AMOTL2: variants seen among roughly 807,000 people sequenced by gnomAD.
AMOTL2 encodes angiomotin-like protein 2.
A neutral mutation model predicts 78.4 loss-of-function variants in AMOTL2; 33 were observed. The observed-to-expected ratio is 0.42, with a 90% CI of 0.32 to 0.56. The LOEUF is 0.56. Ranked by LOEUF, AMOTL2 falls within the 20% of genes least tolerant of loss-of-function variation. The pLI is 0.12. For missense variants in AMOTL2, 983 were observed against 1,030.1 expected (o/e 0.95, Z 0.63); for synonymous variants, 422 against 428.8 (o/e 0.98, Z 0.20).
rs2017362200 is a variant in AMOTL2, at chr3:134,361,521, A to G, written c.1566T>C (p.Arg522=). 1 of 1,609,622 alleles carries G rather than the reference A, an allele frequency of 6.2e-7. No individual in the cohort carries two copies. The highest frequency in any genetic ancestry group is 8.5e-7 in the Non-Finnish European group (1 of 1,177,824). Reference sequence around the variant, plus strand: ...GACTTTCTCAGCTCACCTGCTGTGCACGCAGGGCCTTGAGTTCCTGCTCCA... The same window carrying G: ...GACTTTCTCAGCTCACCTGCTGTGCGCGCAGGGCCTTGAGTTCCTGCTCCA... ...TRLEQELKAL[R]AQQRQAGAPG... Residue 522 remains arginine (R), a synonymous_variant, in exon 6 of 10, where the codon CGT becomes CGC. Transcript: ENST00000249883.
At chr3:134,370,051 T>G (rs2017782522) in intron 2 of AMOTL2, among the ~76,000 whole-genome samples, 1 of 152,112 alleles carries the variant, frequency 6.6e-6, no homozygotes, top group Admixed American at 6.5e-5. Flanking sequence ...AATCAAACTC[T>G]AAGTCCCTAC....
chr3:134,365,854 G>C lies in AMOTL2; in HGVS notation c.1242C>G (p.Ala414=). ...GCTTGGCCACCATGTCCTGACTGCC[G>C]GCCTGGGCCTCCTGTGTCTTGCTTG... is the stretch of plus-strand genomic sequence containing the variant. ...RLASKTQEAQ[A]GSQDMVAKLL... Residue 414 remains alanine, a synonymous_variant, in exon 5 of 10, where the codon GCC becomes GCG. Coordinates refer to ENST00000249883, the MANE Select transcript of AMOTL2 (RefSeq NM_016201.4). 6.2e-7 allele frequency: 1 copy of C among 1,614,134 alleles called. No homozygotes were observed. The highest frequency in any genetic ancestry group is 8.5e-7 in the Non-Finnish European group (1 of 1,180,020).
chr3:134,368,608 T>A (rs1404876723), intron 2 of AMOTL2, among the ~76,000 whole-genome samples: 2 of 152,198 alleles, frequency 1.3e-5, no homozygotes, highest in Admixed American at 1.3e-4. Context: ...TGACGCTATG[T>A]AAGGCCTGGC....
Position 134,367,650 on chromosome 3 carries a change from T to A in AMOTL2, c.888A>T (p.Pro296=). 6.2e-7 allele frequency: 1 copy of A among 1,613,358 alleles called. No individual in the cohort carries two copies. Among genetic ancestry groups the A allele is most frequent in the Non-Finnish European group, 8.5e-7 (1 of 1,180,012 alleles). ...SSLSPPAVEG[P]VSAQASSATS... is the part of the protein sequence containing the mutation. ...TGGCTGAGGAGGCCTGGGCACTCACTGGCCCCTCCACAGCAGGTGGACTGA... is the reference window on the plus strand; with the variant it reads ...TGGCTGAGGAGGCCTGGGCACTCACAGGCCCCTCCACAGCAGGTGGACTGA... Residue 296 remains proline (P), a synonymous_variant, in exon 3 of 10, where the codon CCA becomes CCT. Transcript: ENST00000249883.
chr3:134,358,143 C>G (rs1191561063), intron 9 of AMOTL2, among the ~76,000 whole-genome samples: 1 of 152,240 alleles, frequency 6.6e-6, no homozygotes, highest in East Asian at 1.9e-4. Context: ...GGCATCTTCT[C>G]AGATTTCTCC....
Position 134,367,743 on chromosome 3 carries a change from C to A in AMOTL2, c.795G>T (p.Leu265=). The A allele has an allele frequency of 6.2e-7, 1 of 1,613,784 alleles. No individual in the cohort carries two copies. Among genetic ancestry groups the A allele is most frequent in the African/African-American group, 1.3e-5 (1 of 75,018 alleles). Residue 265 remains leucine (L), a synonymous_variant, in exon 3 of 10, where the codon CTG becomes CTT. Transcript: ENST00000249883. ...GAGGGGGGTGCTCCTGAGATTGCTG[C>A]AGGTACTGGTACTGCTGCTGCTGTT... ...FLQQQQQYQY[L]QQSQEHPPPP...
Position 134,371,429 on chromosome 3 carries a change from C to A in AMOTL2, c.5G>T (p.Arg2Met). 6.2e-7 allele frequency: 1 copy of A among 1,602,094 alleles called. No homozygotes were observed. Among genetic ancestry groups the A allele is most frequent in the Non-Finnish European group, 8.5e-7 (1 of 1,179,884 alleles). The change falls in exon 2 of 10, where the codon AGG becomes ATG. Residue 2 changes from arginine to methionine, a missense_variant. Physicochemically the swap from Arg to Met is moderately conservative, Grantham distance 91. Coordinates refer to ENST00000249883, the MANE Select transcript of AMOTL2 (RefSeq NM_016201.4). Reference sequence around the variant, plus strand: ...TGTCCCCGAGGAGTCTTCCAGTGTCCTCATGCTTCTTTGGCTTGCACACAG... The same window carrying A: ...TGTCCCCGAGGAGTCTTCCAGTGTCATCATGCTTCTTTGGCTTGCACACAG... M[R>M]TLEDSSGTVL...
chr3:134,374,781 T>A, upstream of AMOTL2: 1 of 1,019,046 alleles, frequency 9.8e-7, no homozygotes, highest in Non-Finnish European at 1.2e-6. Context: ...ACTCTGCCCA[T>A]TATCGCCTCC....
At chr3:134,361,319 G>C (rs1450563685) in intron 6 of AMOTL2, among the ~76,000 whole-genome samples, 193 bp downstream of exon 6, 1 of 152,210 alleles carries the variant, frequency 6.6e-6, no homozygotes, top group Non-Finnish European at 1.5e-5. Context: ...CTAAGACAAC[G>C]AGTGGAAGGG....
In AMOTL2 at chr3:134,362,312, T is replaced by G. The variant is rs868199684; in HGVS notation, c.1280-505A>C. On this transcript the variant is annotated intron_variant, in intron 5 of 9. Coordinates refer to ENST00000249883, the MANE Select transcript of AMOTL2 (RefSeq NM_016201.4). ...CGGCACACCAGGCCCTTACACATCT[T>G]ATTCCACGAATCCTCCAGCCCCTCC... Among the ~76,000 whole-genome samples, 11 of 152,206 alleles carry G rather than the reference T, an allele frequency of 7.2e-5. No homozygotes were observed. The South Asian group carries it at 1.0e-3, about 14-fold the overall frequency.
At chr3:134,366,071 G>A (rs2017590565) in intron 4 of AMOTL2, among the ~76,000 whole-genome samples, 162 bp from the exon 5 acceptor site, 1 of 152,302 alleles carries the variant, frequency 6.6e-6, no homozygotes, top group East Asian at 1.9e-4. Flanking sequence ...AGCCTCCTCT[G>A]TCAAGAGCCA....
intron 5 of AMOTL2, among the ~76,000 whole-genome samples, chr3:134,363,336 G>A (rs1245387453): frequency 6.6e-6 from 1 of 152,218 alleles, no homozygotes; most frequent in Non-Finnish European, 1.5e-5. Flanking sequence ...TGAAACGGAT[G>A]TGTTCATACT....
chr3:134,363,848 G>A (rs1040781078), intron 5 of AMOTL2, among the ~76,000 whole-genome samples: 2 of 152,216 alleles, frequency 1.3e-5, no homozygotes, highest in Non-Finnish European at 2.9e-5. Context: ...GGAGGACCCA[G>A]CCCTCTGCTT....
chr3:134,358,569 C>CA lies in AMOTL2; in HGVS notation c.2254dup (p.Cys752LeufsTer4). ...AGAGGCTGCTCTCTGGCTACTGCTG[C>CA]ACCCCAGAAGGCTGTCAGGCTCCGG... is the stretch of plus-strand genomic sequence containing the variant. On this transcript the variant is annotated frameshift_variant, in exon 9 of 10. Coordinates refer to ENST00000249883, the MANE Select transcript of AMOTL2 (RefSeq NM_016201.4). LOFTEE classifies it high-confidence loss of function. 1 of 1,614,026 alleles carries CA rather than the reference C, an allele frequency of 6.2e-7. No homozygotes were observed. The highest frequency in any genetic ancestry group is 8.5e-7 in the Non-Finnish European group (1 of 1,180,004).
intron 3 of AMOTL2, chr3:134,366,758 T>A (rs2017623033): frequency 4.6e-6 from 1 of 216,518 alleles, no homozygotes; most frequent in African/African-American, 2.3e-5. Flanking sequence ...ATTCTACTCT[T>A]GGCTGGCTTC....
intron 6 of AMOTL2, among the ~76,000 whole-genome samples, chr3:134,361,214 C>T (rs1378880890): frequency 6.6e-6 from 1 of 152,068 alleles, no homozygotes; most frequent in Non-Finnish European, 1.5e-5. Context: ...AGGTTCCTGA[C>T]TTACTTTCTC....
intron 1 of AMOTL2, chr3:134,373,742 G>A (rs1475422465): frequency 4.1e-6 from 4 of 985,318 alleles, no homozygotes; most frequent in African/African-American, 3.5e-5. Context: ...GTAGCCCGAG[G>A]CCCGGAGAGG....
At position 134,356,375 on chromosome 3, in the gene AMOTL2, CAA is replaced by C. The variant is rs2017081038; in HGVS notation, c.*1328_*1329del. 6.6e-6 allele frequency: 1 copy of C among 152,494 alleles called. No homozygotes were observed. Among genetic ancestry groups the C allele is most frequent in the African/African-American group, 2.4e-5 (1 of 41,450 alleles). The allele number at this position is 152,494 out of a possible 1,614,324, so 9.4% of individuals were successfully genotyped here. ...TAAAGACAAAACTGCTAAAACCCAC[CAA>C]TAGCTCCTGGGGCTGAAGTGAGGGA... On this transcript the variant is annotated 3_prime_UTR_variant, in exon 10 of 10. Transcript: ENST00000249883.
At chr3:134,362,864 G>C (rs559468600) in intron 5 of AMOTL2, among the ~76,000 whole-genome samples, 2 of 152,152 alleles carry the variant, frequency 1.3e-5, no homozygotes, top group East Asian at 1.9e-4. Flanking sequence ...GAGAGCAGGT[G>C]GGGGGCAGGG....
Sources: gnomAD v4.1 joint callset for allele counts (sites outside exome capture counted in the v4.1 genomes callset) on GRCh38, gnomAD v4.1.1 for gene constraint, MANE v1.5 for transcripts, NCBI Gene and HGNC (gene_info 2026-07-23, HGNC 2026-07-21) for gene names.